ANK1: variants seen among roughly 807,000 people sequenced by gnomAD.
ANK1 encodes ankyrin-1.
In ANK1, 51 loss-of-function variants were observed where a neutral mutation model predicts 210.4. The ratio of observed to expected loss-of-function variants is 0.24; its 90% CI spans 0.19 to 0.31. ANK1 has a LOEUF of 0.31. Ranked by LOEUF, ANK1 falls within the 10% of genes least tolerant of loss-of-function variation. The pLI, the probability that ANK1 is intolerant of heterozygous loss-of-function variation, is 1.00. For missense variants in ANK1, 2,051 were observed against 2,504.4 expected, an observed-to-expected ratio of 0.82 and a Z score of 3.86; for synonymous variants, 967 against 1,025.9, an observed-to-expected ratio of 0.94 and a Z score of 1.10.
At chr8:41,669,308 GT>G (rs1811504777) in intron 38 of ANK1, among the ~76,000 whole-genome samples, 1 of 151,880 alleles carries the variant, frequency 6.6e-6, no homozygotes, top group Non-Finnish European at 1.5e-5. Flanking sequence ...CTTTGTTGTT[GT>G]TTTCTGAGAC....
intron 1 of ANK1, among the ~76,000 whole-genome samples, chr8:41,841,216 GC>G (rs1808829949): frequency 6.6e-6 from 1 of 152,206 alleles, no homozygotes; most frequent in Non-Finnish European, 1.5e-5. Flanking sequence ...ATATTATTCA[GC>G]CTTGAAAATG....
chr8:41,673,048 G>T, intron 37 of ANK1, 136 bp from the exon 38 acceptor site: 2 of 969,284 alleles, frequency 2.1e-6, no homozygotes, highest in Non-Finnish European at 3.1e-6. Flanking sequence ...GGGGTGGGTT[G>T]GGGGCTTTCC....
intron 1 of ANK1, among the ~76,000 whole-genome samples, chr8:41,878,453 T>C (rs1382493838): frequency 1.3e-5 from 2 of 152,168 alleles, no homozygotes; most frequent in Admixed American, 1.3e-4. Context: ...TCAGACAGGT[T>C]CAGGGGGAGC....
intron 1 of ANK1, among the ~76,000 whole-genome samples, chr8:41,792,159 G>A (rs1279755933): frequency 2.0e-5 from 3 of 152,316 alleles, no homozygotes; most frequent in South Asian, 2.1e-4. Context: ...AGCAGCAGCC[G>A]AGGGGAGGGT....
At chr8:41,661,083 C>G in intron 42 of ANK1, 1 of 342,066 alleles carries the variant, frequency 2.9e-6, no homozygotes, top group Non-Finnish European at 5.6e-6. Context: ...GCTCTGTTGC[C>G]CAGGCTGGTC....
At chr8:41,677,776 G>T (rs1245887674) in intron 37 of ANK1, among the ~76,000 whole-genome samples, 2 of 151,898 alleles carry the variant, frequency 1.3e-5, no homozygotes, top group Non-Finnish European at 2.9e-5. Flanking sequence ...TTTTTGTAGA[G>T]ATGGAGTTTC....
intron 1 of ANK1, among the ~76,000 whole-genome samples, chr8:41,795,143 T>A (rs1228555572): frequency 6.6e-6 from 1 of 152,244 alleles, no homozygotes; most frequent in Non-Finnish European, 1.5e-5. Context: ...GTTTGATTAA[T>A]CTCAAAATAA....
chr8:41,802,930 A>G (rs1850119188), intron 1 of ANK1, among the ~76,000 whole-genome samples: 1 of 97,468 alleles, frequency 1.0e-5, no homozygotes, highest in South Asian at 5.5e-4. Context: ...AGAAAGAAAG[A>G]GAGAAAGGGA....
intron 15 of ANK1, among the ~76,000 whole-genome samples, chr8:41,714,487 C>T (rs146624459): frequency 6.6e-6 from 1 of 152,192 alleles, no homozygotes; most frequent in African/African-American, 2.4e-5. Context: ...AGAAGGCCAT[C>T]GGGTCTTTCC....
At chr8:41,764,781 T>G (rs1229261972) in intron 1 of ANK1, among the ~76,000 whole-genome samples, 3 of 152,248 alleles carry the variant, frequency 2.0e-5, no homozygotes, top group Non-Finnish European at 2.9e-5. Flanking sequence ...CTAATCAATG[T>G]GATGTCCCTG....
At chr8:41,885,101 C>T (rs913589794) in intron 1 of ANK1, among the ~76,000 whole-genome samples, 2 of 151,982 alleles carry the variant, frequency 1.3e-5, no homozygotes, top group Non-Finnish European at 2.9e-5. Context: ...AGATAAAGAC[C>T]GTATTGGAAG....
chr8:41,853,117 C>T (rs753673057), intron 1 of ANK1, among the ~76,000 whole-genome samples: 1 of 152,180 alleles, frequency 6.6e-6, no homozygotes, highest in Non-Finnish European at 1.5e-5. Context: ...TGAGATTCCC[C>T]CAGTGCATTC....
intron 42 of ANK1, among the ~76,000 whole-genome samples, chr8:41,659,062 A>G (rs4317621): frequency 0.61 from 92,561 of 152,122 alleles, 28,620 homozygotes; most frequent in African/African-American, 0.72. Context: ...TTTGTGTTAA[A>G]TGCGTTTCTG....
At chr8:41,741,240 G>T (rs193257701) in intron 2 of ANK1, among the ~76,000 whole-genome samples, 1 of 152,210 alleles carries the variant, frequency 6.6e-6, no homozygotes, top group African/African-American at 2.4e-5. Context: ...ATCTGGAGAA[G>T]CGGTGAAAGC....
intron 1 of ANK1, among the ~76,000 whole-genome samples, chr8:41,816,596 AT>A (rs1290217277): frequency 3.3e-5 from 5 of 151,810 alleles, no homozygotes; most frequent in Admixed American, 1.3e-4. Flanking sequence ...CACCCAGCTA[AT>A]TTTTTATTTT....
chr8:41,867,347 A>T (rs191105518), intron 1 of ANK1, among the ~76,000 whole-genome samples: 1 of 152,266 alleles, frequency 6.6e-6, no homozygotes, highest in Non-Finnish European at 1.5e-5. Flanking sequence ...CAAACAAGAC[A>T]CTCATGAGCC....
At chr8:41,682,487 ATCTC>A (rs749748144) in intron 37 of ANK1, among the ~76,000 whole-genome samples, 23 of 152,266 alleles carry the variant, frequency 1.5e-4, no homozygotes, top group Admixed American at 3.9e-4. Flanking sequence ...GAGAACAGGT[ATCTC>A]TCTCCTGCCT....
At chr8:41,821,551 T>C (rs1240220329) in intron 1 of ANK1, among the ~76,000 whole-genome samples, 3 of 152,184 alleles carry the variant, frequency 2.0e-5, no homozygotes, top group Non-Finnish European at 4.4e-5. Context: ...TCAAAGGCCA[T>C]ACGAATGAAT....
intron 1 of ANK1, among the ~76,000 whole-genome samples, chr8:41,827,714 CCACT>C (rs1563857214): frequency 3.6e-5 from 5 of 139,228 alleles, no homozygotes; most frequent in African/African-American, 1.1e-4. Flanking sequence ...ACACGCACAC[CCACT>C]CACACTCACA....
Sources: allele counts gnomAD v4.1 joint callset (sites outside exome capture counted in the v4.1 genomes callset), GRCh38; gene constraint gnomAD v4.1.1; transcripts MANE v1.5; gene names NCBI Gene and HGNC (gene_info 2026-07-23, HGNC 2026-07-21).